CNOT2: variants seen among roughly 807,000 people sequenced by gnomAD.
CNOT2 encodes CC chemokine receptor 4-negative regulator of transcription 2.
A neutral mutation model predicts 72.1 loss-of-function variants in CNOT2; 7 were observed. That is an observed-to-expected ratio of 0.10 (90% CI 0.06 to 0.18). The LOEUF (loss-of-function observed/expected upper bound fraction) is 0.18. Among genes scored for constraint, CNOT2 ranks in the 10% least tolerant of loss-of-function variants. The pLI, the probability that CNOT2 is intolerant of heterozygous loss-of-function variation, is 1.00. For synonymous variants in CNOT2, 196 were observed against 225.6 expected (o/e 0.87, Z 1.17); for missense variants, 345 against 660.3 (o/e 0.52, Z 5.23).
intron 2 of CNOT2, among the ~76,000 whole-genome samples, chr12:70,286,125 G>C (rs1870853858): frequency 8.5e-6 from 1 of 118,076 alleles, no homozygotes; most frequent in Middle Eastern, 3.9e-3. Context: ...CAAACACTAT[G>C]TGAAAATAAC....
At chr12:70,277,989 C>T (rs1487406438) in intron 1 of CNOT2, 143 bp from the exon 2 acceptor site, 3 of 396,074 alleles carry the variant, frequency 7.6e-6, no homozygotes, top group Non-Finnish European at 1.3e-5. Flanking sequence ...GTCTAGCCCG[C>T]GAAAATGGTT....
chr12:70,283,647 T>TTA (rs1555192712), intron 2 of CNOT2, among the ~76,000 whole-genome samples: 1 of 122,908 alleles, frequency 8.1e-6, no homozygotes, highest in Non-Finnish European at 1.7e-5. Flanking sequence ...AGAATGAGTT[T>TTA]AAAAAAAAAA....
chr12:70,276,735 A>G (rs528924417), intron 1 of CNOT2, among the ~76,000 whole-genome samples: 9 of 152,130 alleles, frequency 5.9e-5, no homozygotes, highest in African/African-American at 2.2e-4. Flanking sequence ...TTTGAAAGAG[A>G]TATTTAATTC....
chr12:70,261,305 CTTTTT>C (rs71437141), intron 1 of CNOT2, among the ~76,000 whole-genome samples: 6 of 43,352 alleles, frequency 1.4e-4, no homozygotes, highest in South Asian at 1.3e-3. Flanking sequence ...TTCTTTCTTT[CTTTTT>C]TTTTTTTTTT....
intron 1 of CNOT2, among the ~76,000 whole-genome samples, chr12:70,251,190 A>C (rs1405314997): frequency 6.6e-6 from 1 of 152,202 alleles, no homozygotes; most frequent in Non-Finnish European, 1.5e-5. Flanking sequence ...GCTGTGCACT[A>C]TTATAGTTGC....
In CNOT2 at chr12:70,344,190, T is replaced by C. The variant is rs2136074425; in HGVS notation, c.1353T>C (p.Asn451=). 1 of 1,613,070 alleles carries C rather than the reference T, an allele frequency of 6.2e-7. No individual in the cohort carries two copies. ...EDLLFYLYYM[N]GGDVLQLLAA... is the part of the protein sequence containing the mutation. ...TTCTCTTCTATCTCTATTACATGAA[T>C]GGAGGAGACGTATTACAACTTTTAG... Residue 451 remains asparagine (N), a synonymous_variant, in exon 14 of 16, where the codon AAT becomes AAC. Coordinates refer to ENST00000229195, the MANE Select transcript of CNOT2 (RefSeq NM_014515.7).
intron 7 of CNOT2, 185 bp from the exon 8 acceptor site, chr12:70,335,252 TC>T: frequency 2.1e-6 from 1 of 472,632 alleles, no homozygotes; most frequent in Non-Finnish European, 3.8e-6. Context: ...GCTAAATTGT[TC>T]ATGGAATTCT....
chr12:70,353,501 T>A (rs2042436681), intron 15 of CNOT2, among the ~76,000 whole-genome samples: 1 of 152,196 alleles, frequency 6.6e-6, no homozygotes, highest in Admixed American at 6.5e-5. Context: ...TATCCTGTAA[T>A]TTCCAGTGAT....
chr12:70,272,847 T>A (rs969128445), intron 1 of CNOT2, among the ~76,000 whole-genome samples: 16 of 152,176 alleles, frequency 1.1e-4, no homozygotes, highest in African/African-American at 3.6e-4. Context: ...TCATTTCTTA[T>A]TTTACTAAGA....
At chr12:70,258,013 T>A (rs370917263) in intron 1 of CNOT2, among the ~76,000 whole-genome samples, 4 of 152,220 alleles carry the variant, frequency 2.6e-5, no homozygotes, top group African/African-American at 9.6e-5. Context: ...AATTTCAAAG[T>A]TATAAACTGA....
chr12:70,256,106 T>C (rs1368614472), intron 1 of CNOT2, among the ~76,000 whole-genome samples: 3 of 152,196 alleles, frequency 2.0e-5, no homozygotes, highest in African/African-American at 7.2e-5. Context: ...GGGAATTCAT[T>C]CCTCAGAATA....
chr12:70,353,559 CACA>C (rs963535555), intron 15 of CNOT2, among the ~76,000 whole-genome samples: 4 of 151,872 alleles, frequency 2.6e-5, no homozygotes, highest in African/African-American at 9.7e-5. Context: ...AAAAACAATA[CACA>C]ACATTTCAGT....
In CNOT2 at chr12:70,305,292, C is replaced by G. The variant is rs982884197; in HGVS notation, c.49-5603C>G. Among the ~76,000 whole-genome samples the G allele has an allele frequency of 2.6e-5, 4 of 152,192 alleles. No individual in the cohort carries two copies. The South Asian group carries it at 8.3e-4, about 32-fold the overall frequency. On this transcript the variant is annotated intron_variant, in intron 2 of 15. Transcript: ENST00000229195. ...CTGGGAGCTATAGACTGGAGCTGTTCCTATTCGGCCATCTTGGCTCCACCC... is the reference window on the plus strand; with the variant it reads ...CTGGGAGCTATAGACTGGAGCTGTTGCTATTCGGCCATCTTGGCTCCACCC...
At position 70,354,046 on chromosome 12, in the gene CNOT2, T is replaced by C; in HGVS notation, c.*131T>C. On this transcript the variant is annotated 3_prime_UTR_variant, in exon 16 of 16. Transcript: ENST00000229195. The stretch of plus-strand genomic sequence containing the variant: ...TTTAATTCCTTGAGGATCTGGCAAT[T>C]GGCTTACGCAAAAGGTCACCATTTG... The C allele has an allele frequency of 7.1e-7, 1 of 1,412,342 alleles. No individual in the cohort carries two copies. The highest frequency in any genetic ancestry group is 9.3e-7 in the Non-Finnish European group (1 of 1,080,060). The allele number at this position is 1,412,342 out of a possible 1,614,324, so 87.5% of individuals were successfully genotyped here.
At chr12:70,268,741 G>C (rs1959165756) in intron 1 of CNOT2, among the ~76,000 whole-genome samples, 4 of 152,002 alleles carry the variant, frequency 2.6e-5, no homozygotes, top group African/African-American at 7.3e-5. Flanking sequence ...GATTACAGGT[G>C]TGAGCCACCA....
In CNOT2 at chr12:70,337,493, A is replaced by C; in HGVS notation, c.880A>C (p.Ser294Arg). 6.2e-7 allele frequency: 1 copy of C among 1,611,474 alleles called. No homozygotes were observed. The highest frequency in any genetic ancestry group is 1.7e-4 in the Middle Eastern group (1 of 6,032). Residue 294 changes from serine to arginine, a missense_variant, in exon 9 of 16, where the codon AGT becomes CGT. This residue lies in a region of CNOT2 where 128 missense variants were observed against 233.0 expected (regional missense o/e 0.55). Coordinates refer to ENST00000229195, the MANE Select transcript of CNOT2 (RefSeq NM_014515.7). ...CTCCAGCTATAAAGATCCAACATCA[A>C]GTAATGATGACAGTAAATCTGTAAG... ...PGSSYKDPTSSNDDSKSNLNT... is the reference protein window; with the variant it reads ...PGSSYKDPTSRNDDSKSNLNT...
At chr12:70,352,303 A>G (rs1882971194) in intron 15 of CNOT2, among the ~76,000 whole-genome samples, 1 of 152,208 alleles carries the variant, frequency 6.6e-6, no homozygotes, top group Admixed American at 6.5e-5. Context: ...CAGGTACAAA[A>G]TGAAAATAAT....
intron 2 of CNOT2, among the ~76,000 whole-genome samples, chr12:70,295,605 T>C (rs1446951966): frequency 2.0e-5 from 3 of 152,180 alleles, no homozygotes; most frequent in African/African-American, 7.2e-5. Context: ...TGTCCTTCCA[T>C]TTGTATTTTA....
intron 2 of CNOT2, among the ~76,000 whole-genome samples, chr12:70,305,413 G>A (rs961492253): frequency 2.6e-5 from 4 of 152,120 alleles, no homozygotes; most frequent in East Asian, 1.9e-4. Flanking sequence ...GACACGTGGG[G>A]ATTATTACAG....
Sources: allele counts gnomAD v4.1 joint callset (sites outside exome capture counted in the v4.1 genomes callset), GRCh38; gene constraint gnomAD v4.1.1; regional missense constraint gnomAD v4.1.1; transcripts MANE v1.5; gene names NCBI Gene and HGNC (gene_info 2026-07-23, HGNC 2026-07-21).